The following CHL1 variants were observed in gnomAD, a reference collection of about 807,000 sequenced individuals.
CHL1 encodes cell adhesion molecule L1 like.
A neutral mutation model predicts 141.9 loss-of-function variants in CHL1; 96 were observed. That is an observed-to-expected ratio of 0.68 (90% CI 0.57 to 0.80). The LOEUF is 0.80. CHL1 is among the 30% of genes least tolerant of loss of function. CHL1 has a pLI of 0.00. For missense variants in CHL1, 1,820 were observed against 1,457.2 expected, an observed-to-expected ratio of 1.25 and a Z score of -4.05; for synonymous variants, 613 against 502.2, an observed-to-expected ratio of 1.22 and a Z score of -2.95.
intron 2 of CHL1, among the ~76,000 whole-genome samples, chr3:264,837 C>A (rs535896440): frequency 6.6e-6 from 1 of 152,216 alleles, no homozygotes; most frequent in Non-Finnish European, 1.5e-5. Context: ...AATTAGACAT[C>A]TACAACACTG....
At chr3:206,189 CA>C (rs1226995968) in intron 1 of CHL1, among the ~76,000 whole-genome samples, 1 of 152,068 alleles carries the variant, frequency 6.6e-6, no homozygotes, top group Non-Finnish European at 1.5e-5. Flanking sequence ...TAAAACCTGC[CA>C]GAGGTGGTGG....
chr3:299,669 T>G (rs1396799248), intron 2 of CHL1, among the ~76,000 whole-genome samples: 1 of 152,082 alleles, frequency 6.6e-6, no homozygotes. Context: ...CCTCCATAAC[T>G]CTCTTACTGC....
In CHL1 at chr3:382,065, G is replaced by A. The variant is rs1707110914; in HGVS notation, c.1877-114G>A. 9.1e-6 allele frequency: 7 copies of A among 766,144 alleles called. No individual in the cohort carries two copies. In the South Asian group the frequency reaches 1.3e-4, roughly 14 times the overall value. 47.5% of individuals were successfully genotyped at this position (766,144 alleles called of 1,614,324 possible). Reference sequence around the variant, plus strand: ...GGGTGGGGGGCGGGGGTGCTTCCCAGGTCCCTAAGAGGGTGGTACCTCCTC... The same window carrying A: ...GGGTGGGGGGCGGGGGTGCTTCCCAAGTCCCTAAGAGGGTGGTACCTCCTC... On this transcript the variant is annotated intron_variant, in intron 16 of 27. Transcript: ENST00000256509.
chr3:200,557 T>G (rs186149959), intron 1 of CHL1, among the ~76,000 whole-genome samples: 1 of 152,346 alleles, frequency 6.6e-6, no homozygotes, highest in East Asian at 1.9e-4. Flanking sequence ...ATGCAATTAT[T>G]ATGGTCATTT....
intron 1 of CHL1, chr3:197,892 T>C (rs1455006955): frequency 5.2e-6 from 2 of 385,274 alleles, no homozygotes; most frequent in Non-Finnish European, 1.0e-5. Context: ...TTTTTTGGAG[T>C]GTGAGTGTGC....
intron 24 of CHL1, 134 bp downstream of exon 24, chr3:395,006 C>T (rs1708554985): frequency 5.4e-6 from 4 of 741,596 alleles, no homozygotes; most frequent in Admixed American, 3.5e-5. Context: ...CTCTGTCTGA[C>T]CTTCTGTTTT....
chr3:300,139 G>A (rs1211228126), intron 2 of CHL1, among the ~76,000 whole-genome samples: 2 of 152,144 alleles, frequency 1.3e-5, no homozygotes, highest in Non-Finnish European at 2.9e-5. Context: ...ATCTGGAGTG[G>A]CAAACATAGA....
chr3:315,394 C>A (rs1700084614), intron 2 of CHL1, among the ~76,000 whole-genome samples: 1 of 152,118 alleles, frequency 6.6e-6, no homozygotes, highest in Admixed American at 6.6e-5. Flanking sequence ...TAGCTTTGCA[C>A]TTACTTGGGA....
chr3:331,325 T>G (rs1701424171), intron 5 of CHL1, among the ~76,000 whole-genome samples: 1 of 152,162 alleles, frequency 6.6e-6, no homozygotes, highest in South Asian at 2.1e-4. Flanking sequence ...CTTGAACTCC[T>G]GGGTTCAAGT....
rs34090828 is a variant in CHL1 at position 294,641 on chromosome 3, C to CTT, written c.-94-25035_-94-25034dup. ...TTCACTAAACCCTTCTAAAATATTC[C>CTT]TTTTTTTTCCAAATATAGAATTATT... On this transcript the variant is annotated intron_variant, in intron 2 of 27. Coordinates refer to ENST00000256509, the MANE Select transcript of CHL1 (RefSeq NM_006614.4). Among the ~76,000 whole-genome samples, 105 of 151,720 alleles carry CTT rather than the reference C, an allele frequency of 6.9e-4. 1 individual carries two copies. Among genetic ancestry groups the CTT allele is most frequent in the Admixed American group, 6.8e-3 (103 of 15,238 alleles).
intron 2 of CHL1, among the ~76,000 whole-genome samples, chr3:313,752 T>C (rs1030950280): frequency 4.6e-5 from 7 of 152,226 alleles, no homozygotes; most frequent in Non-Finnish European, 4.4e-5. Context: ...TGCTTTATTA[T>C]TGGAATTTAA....
intron 5 of CHL1, among the ~76,000 whole-genome samples, chr3:337,190 T>A (rs1701938431): frequency 2.8e-5 from 1 of 35,772 alleles, no homozygotes; most frequent in South Asian, 6.2e-4. Flanking sequence ...CTTTTGTTTT[T>A]GTTTTTTTTT....
At chr3:280,696 A>G (rs149143701) in intron 2 of CHL1, among the ~76,000 whole-genome samples, 277 of 152,308 alleles carry the variant, frequency 1.8e-3, no homozygotes, top group African/African-American at 6.4e-3. Flanking sequence ...TACCACCAAC[A>G]AAATACCTTT....
At chr3:378,368 C>G (rs1211707007) in intron 16 of CHL1, among the ~76,000 whole-genome samples, 1 of 152,058 alleles carries the variant, frequency 6.6e-6, no homozygotes, top group African/African-American at 2.4e-5. Context: ...AGACTGAGTT[C>G]CCAGGGTTCC....
chr3:403,994 G>A lies in CHL1; in HGVS notation c.3459-1501G>A, dbSNP rs560492382. 5.3e-5 allele frequency among the ~76,000 whole-genome samples: 8 copies of A among 152,100 alleles called. No individual in the cohort carries two copies. In the East Asian group the frequency reaches 7.7e-4, roughly 15 times the overall value. On this transcript the variant is annotated intron_variant, in intron 27 of 27. Coordinates refer to ENST00000256509, the MANE Select transcript of CHL1 (RefSeq NM_006614.4). ...TATCCTAATTCAAGAGCCAATTATCGTATCAGTCAGGGGAGCCTGTGTTAT... is the reference window on the plus strand; with the variant it reads ...TATCCTAATTCAAGAGCCAATTATCATATCAGTCAGGGGAGCCTGTGTTAT...
Position 341,934 on chromosome 3 carries a change from T to C in CHL1, c.531T>C (p.Asp177=). 2.5e-6 allele frequency: 4 copies of C among 1,609,758 alleles called. No individual in the cohort carries two copies. The highest frequency in any genetic ancestry group is 2.5e-6 in the Non-Finnish European group (3 of 1,176,818). Residue 177 remains aspartate (D), a synonymous_variant, in exon 7 of 28, where the codon GAT becomes GAC. Coordinates refer to ENST00000256509, the MANE Select transcript of CHL1 (RefSeq NM_006614.4). ...CAGAATTAGAACACATCGAACAAGA[T>C]GAAAGAGTATACATGAGCCAAAAGG... is the stretch of plus-strand genomic sequence containing the variant. The part of the protein sequence containing the change: ...MNIELEHIEQ[D]ERVYMSQKGD...
At chr3:376,294 C>G (rs1706307936) in intron 15 of CHL1, 1 of 470,980 alleles carries the variant, frequency 2.1e-6, no homozygotes, top group South Asian at 1.7e-5. Flanking sequence ...TGTGTGACAA[C>G]TATTTGTGAT....
chr3:222,297 C>T (rs1700914327), intron 1 of CHL1, among the ~76,000 whole-genome samples: 1 of 152,092 alleles, frequency 6.6e-6, no homozygotes, highest in South Asian at 2.1e-4. Flanking sequence ...TTCTAGAGGC[C>T]ACTTGCACTC....
intron 2 of CHL1, among the ~76,000 whole-genome samples, chr3:291,621 C>A (rs17020608): frequency 6.6e-6 from 1 of 151,904 alleles, no homozygotes; most frequent in Non-Finnish European, 1.5e-5. Flanking sequence ...ATAAATTTTC[C>A]TATACATTGT....
Sources: allele counts gnomAD v4.1 joint callset (sites outside exome capture counted in the v4.1 genomes callset), GRCh38; gene constraint gnomAD v4.1.1; transcripts MANE v1.5; gene names NCBI Gene and HGNC (gene_info 2026-07-23, HGNC 2026-07-21).